Variants in GPHN observed in about 807,000 individuals in gnomAD.
GPHN encodes the protein gephyrin.
In GPHN, 17 loss-of-function variants were observed where a neutral mutation model predicts 95.5. That is an observed-to-expected ratio of 0.18 (90% confidence interval 0.12 to 0.27). The LOEUF (loss-of-function observed/expected upper bound fraction) is 0.27. Among genes scored for constraint, GPHN ranks in the 10% least tolerant of loss-of-function variants. The pLI, the probability that GPHN is intolerant of heterozygous loss-of-function variation, is 1.00. For missense variants in GPHN, 660 were observed against 978.1 expected (o/e 0.67, Z 4.34); for synonymous variants, 320 against 322.5 (o/e 0.99, Z 0.08).
At chr14:67,248,399 A>G in the GPHN span, among the ~76,000 whole-genome samples, 2 of 152,184 alleles carry the variant, frequency 1.3e-5, no homozygotes, top group African/African-American at 2.4e-5. Flanking sequence ...GAACTAAAAT[A>G]CTTAATGAAG....
At chr14:66,626,435 A>G (rs2063531040) in intron 1 of GPHN, among the ~76,000 whole-genome samples, 1 of 152,080 alleles carries the variant, frequency 6.6e-6, no homozygotes, top group Non-Finnish European at 1.5e-5. Flanking sequence ...TCTGATCAAA[A>G]TTTTCACCGA....
chr14:67,650,721 T>C, the GPHN span: 3 of 1,613,728 alleles, frequency 1.9e-6, no homozygotes, highest in South Asian at 1.1e-5. Flanking sequence ...CCAGGGTTGC[T>C]ATCAGCACTG....
the GPHN span, chr14:67,650,676 C>T: frequency 6.3e-7 from 1 of 1,586,704 alleles, no homozygotes; most frequent in East Asian, 2.2e-5. Context: ...AGAGTAGCAG[C>T]AAGGGAACCT....
In GPHN at chr14:66,537,268, C is replaced by T. The variant is rs551770035; in HGVS notation, c.64+28677C>T. Among the ~76,000 whole-genome samples, 12 of 152,044 alleles carry T rather than the reference C, an allele frequency of 7.9e-5. No homozygotes were observed. In the East Asian group the frequency reaches 2.3e-3, roughly 29 times the overall value. ...GTTACTAGTATAGTTGGGCATAAAT[C>T]TTTTATCTTACTGTTTCTTTTCTAT... is the stretch of plus-strand genomic sequence containing the variant. On this transcript the variant is annotated intron_variant, in intron 1 of 22. Coordinates refer to ENST00000478722, the MANE Select transcript of GPHN (RefSeq NM_020806.5).
At chr14:67,727,640 GC>G in the GPHN span, 1 of 211,488 alleles carries the variant, frequency 4.7e-6, no homozygotes. Context: ...GCAATATCAC[GC>G]CTGGCTAATT....
the GPHN span, chr14:67,617,474 G>A: frequency 1.3e-5 from 2 of 152,152 alleles, no homozygotes; most frequent in African/African-American, 2.4e-5. Context: ...TTCCACTTGC[G>A]TTATCATGTA....
At chr14:67,554,090 A>C in the GPHN span, among the ~76,000 whole-genome samples, 5 of 152,162 alleles carry the variant, frequency 3.3e-5, no homozygotes, top group Admixed American at 2.0e-4. Context: ...TGTGCCCCGA[A>C]AGCATCTGTG....
the GPHN span, among the ~76,000 whole-genome samples, chr14:67,316,278 G>A: frequency 2.0e-5 from 3 of 152,084 alleles, no homozygotes; most frequent in Non-Finnish European, 2.9e-5. Flanking sequence ...GGAAAAGCAC[G>A]TTTTCCATTT....
chr14:67,265,371 A>G, the GPHN span, among the ~76,000 whole-genome samples: 6 of 151,920 alleles, frequency 3.9e-5, no homozygotes, highest in Admixed American at 6.6e-5. Context: ...AGACTGGGCA[A>G]CATACTGAGA....
chr14:66,886,667 A>T (rs2064209532), intron 5 of GPHN, among the ~76,000 whole-genome samples: 1 of 152,268 alleles, frequency 6.6e-6, no homozygotes, highest in African/African-American at 2.4e-5. Context: ...AAGGCAAAAC[A>T]ATTGAAATTA....
At chr14:66,978,010 C>T (rs1270491756) in intron 9 of GPHN, among the ~76,000 whole-genome samples, 1 of 152,152 alleles carries the variant, frequency 6.6e-6, no homozygotes, top group Non-Finnish European at 1.5e-5. Context: ...TTCGGTATCC[C>T]AGTACCTGTA....
chr14:66,949,311 G>C (rs1156775870), intron 8 of GPHN, among the ~76,000 whole-genome samples: 2 of 152,006 alleles, frequency 1.3e-5, no homozygotes, highest in Admixed American at 1.3e-4. Flanking sequence ...TCTCGAACTG[G>C]CTGGTCTCAA....
chr14:67,177,811 T>C (rs1439979322), intron 21 of GPHN, among the ~76,000 whole-genome samples: 1 of 152,232 alleles, frequency 6.6e-6, no homozygotes, highest in African/African-American at 2.4e-5. Context: ...CTTGTTGAAT[T>C]GATCCCTTTA....
intron 9 of GPHN, among the ~76,000 whole-genome samples, chr14:66,991,883 A>AAAAAG (rs1270450386): frequency 2.0e-5 from 3 of 151,206 alleles, no homozygotes; most frequent in East Asian, 1.9e-4. Context: ...AAAAAAAAAA[A>AAAAAG]AAAAGAAAAG....
At chr14:67,437,427 G>A in the GPHN span, among the ~76,000 whole-genome samples, 10 of 152,290 alleles carry the variant, frequency 6.6e-5, no homozygotes, top group Non-Finnish European at 8.8e-5. Flanking sequence ...GGTGGGCAGC[G>A]GCCAGATTAG....
chr14:67,006,396 G>C (rs2072612453), intron 9 of GPHN, among the ~76,000 whole-genome samples: 1 of 152,074 alleles, frequency 6.6e-6, no homozygotes, highest in African/African-American at 2.4e-5. Context: ...CCAGCTTGCT[G>C]CTATTTTTTC....
At chr14:66,573,022 T>A (rs2060758770) in intron 1 of GPHN, among the ~76,000 whole-genome samples, 1 of 152,204 alleles carries the variant, frequency 6.6e-6, no homozygotes, top group African/African-American at 2.4e-5. Flanking sequence ...ATAGTTGTGG[T>A]TTCCTACCAC....
At chr14:66,888,843 T>G (rs1346602476) in intron 5 of GPHN, among the ~76,000 whole-genome samples, 2 of 152,076 alleles carry the variant, frequency 1.3e-5, no homozygotes, top group African/African-American at 4.8e-5. Context: ...ATGAGACTCA[T>G]TTTAGATCCA....
the GPHN span, among the ~76,000 whole-genome samples, chr14:67,406,442 G>A: frequency 3.3e-5 from 5 of 152,080 alleles, no homozygotes; most frequent in African/African-American, 1.2e-4. Context: ...AGGTCAGGAA[G>A]TCAAGGAGGG....
Sources: gnomAD v4.1 joint callset for allele counts (sites outside exome capture counted in the v4.1 genomes callset) on GRCh38, gnomAD v4.1.1 for gene constraint, MANE v1.5 for transcripts, NCBI Gene and HGNC (gene_info 2026-07-23, HGNC 2026-07-21) for gene names.